The following NKAP variants were observed in gnomAD, a reference collection of about 807,000 sequenced individuals.
The protein encoded by NKAP is NF-kappa-B-activating protein.
NKAP carries 4 observed loss-of-function variants against 35.6 expected under a neutral mutation model. The ratio of observed to expected loss-of-function variants is 0.11; its 90% CI spans 0.06 to 0.26. The LOEUF (loss-of-function observed/expected upper bound fraction) is 0.26. NKAP is among the 10% of genes least tolerant of loss of function. The pLI is 1.00. For synonymous variants in NKAP, 106 were observed against 119.2 expected (o/e 0.89, Z 0.72); for missense variants, 238 against 321.9 (o/e 0.74, Z 1.99).
In NKAP at chrX:119,921,060, A is replaced by C. The variant is rs1323631437; in HGVS notation, c.*4160T>G. On this transcript the variant is annotated 3_prime_UTR_variant, in exon 9 of 9. Transcript: ENST00000371410. The stretch of plus-strand genomic sequence containing the variant: ...GGTTCCCCTACTCACAGACCCCTTC[A>C]TTTACTGGGAGTTAAGCCTCACTGC... 6.2e-5 allele frequency: 7 copies of C among 113,437 alleles called. No homozygotes were observed. The highest frequency in any genetic ancestry group is 1.9e-4 in the African/African-American group (6 of 30,969). The allele number at this position is 113,437 out of a possible 1,213,427, so 9.3% of individuals were successfully genotyped here. A position where few individuals can be genotyped will look rare whatever the true frequency, so the allele number is the denominator to read the frequency against.
chrX:119,928,813 T>C (rs932106510), intron 8 of NKAP, among the ~76,000 whole-genome samples: 4 of 111,773 alleles, frequency 3.6e-5, no homozygotes, highest in Non-Finnish European at 5.6e-5. Flanking sequence ...CACCCAACTA[T>C]GCCTCCCAAA....
At chrX:119,931,905 C>T in intron 7 of NKAP, 31 bp downstream of exon 7, 1 of 1,095,897 alleles carries the variant, frequency 9.1e-7, no homozygotes, top group East Asian at 3.2e-5. Context: ...TTGGTAGGTA[C>T]TTTAGATATT....
At chrX:119,936,470 C>T (rs964452310) in intron 3 of NKAP, 39 bp from the exon 4 acceptor site, 1 of 1,054,154 alleles carries the variant, frequency 9.5e-7, no homozygotes, top group South Asian at 2.2e-5. Flanking sequence ...TTCTAAAAAA[C>T]TATTTCTGAA....
rs891000884 is a variant in NKAP at position 119,921,709 on chromosome X, G to C, written c.*3511C>G. On this transcript the variant is annotated 3_prime_UTR_variant, in exon 9 of 9. Coordinates refer to ENST00000371410, the MANE Select transcript of NKAP (RefSeq NM_024528.4). ...TCCCAAAGAATATGCCAATGAAGCT[G>C]TTCTTGATGTCACAATATTCATATA... 29 of 110,233 alleles carry C rather than the reference G, an allele frequency of 2.6e-4. No individual in the cohort carries two copies. The Admixed American group carries it at 2.9e-3, about 11-fold the overall frequency. The allele number at this position is 110,233 out of a possible 1,213,427, so 9.1% of individuals were successfully genotyped here.
chrX:119,925,434 T>A (rs2056706142), intron 8 of NKAP, 40 bp from the exon 9 acceptor site: 1 of 1,158,284 alleles, frequency 8.6e-7, no homozygotes, highest in Non-Finnish European at 1.2e-6. Flanking sequence ...TCTCAGTAAT[T>A]ATTTTCATAG....
intron 8 of NKAP, among the ~76,000 whole-genome samples, chrX:119,927,284 A>G (rs1344016875): frequency 9.3e-6 from 1 of 107,578 alleles, no homozygotes; most frequent in Non-Finnish European, 1.9e-5. Flanking sequence ...TTGATCTGAC[A>G]TGCTATCTCT....
In NKAP at chrX:119,934,430, C is replaced by CAAAAAAA. The variant is rs369386190; in HGVS notation, c.737+57_737+63dup. The CAAAAAAA allele has an allele frequency of 5.0e-3, 940 of 187,575 alleles. 17 individuals are homozygous for CAAAAAAA. The highest frequency in any genetic ancestry group is 0.016 in the African/African-American group (100 of 6,316). The allele number at this position is 187,575 out of a possible 1,213,427, so 15.5% of individuals were successfully genotyped here. ...TGCCTGACAGAGTGAGACTCTGTCT[C>CAAAAAAA]AAAAAAAAAAAAAAAAAAAAAAAAA... is the stretch of plus-strand genomic sequence containing the variant. On this transcript the variant is annotated intron_variant, in intron 5 of 8. Coordinates refer to ENST00000371410, the MANE Select transcript of NKAP (RefSeq NM_024528.4).
intron 1 of NKAP, among the ~76,000 whole-genome samples, chrX:119,941,191 T>C (rs1388216837): frequency 2.7e-5 from 3 of 111,008 alleles, no homozygotes; most frequent in Non-Finnish European, 5.7e-5. Flanking sequence ...CATATGCAAG[T>C]TTCATCCAAG....
chrX:119,933,557 C>T lies in NKAP; in HGVS notation c.737+937G>A, dbSNP rs145195863. ...CATGCCAAAGAATACCATAAGAATA[C>T]GGTCACTGCAATTTAGGGACATTAT... On this transcript the variant is annotated intron_variant, in intron 5 of 8. Coordinates refer to ENST00000371410, the MANE Select transcript of NKAP (RefSeq NM_024528.4). 8.4e-4 allele frequency among the ~76,000 whole-genome samples: 94 copies of T among 111,932 alleles called. 1 individual carries two copies. The highest frequency in any genetic ancestry group is 1.5e-3 in the Non-Finnish European group (78 of 53,220).
intron 1 of NKAP, among the ~76,000 whole-genome samples, chrX:119,939,575 G>A (rs1603380723): frequency 9.0e-6 from 1 of 110,514 alleles, no homozygotes; most frequent in Non-Finnish European, 1.9e-5. Context: ...CACCGGGCCC[G>A]AAATAAAAGT....
At chrX:119,927,186 G>A (rs12396181) in intron 8 of NKAP, among the ~76,000 whole-genome samples, 1,286 of 107,097 alleles carry the variant, frequency 0.012, 25 homozygotes, top group African/African-American at 0.04. Context: ...CATAATCTCG[G>A]CTTATTGCAA....
intron 5 of NKAP, among the ~76,000 whole-genome samples, chrX:119,933,157 T>A (rs1285953431): frequency 8.9e-6 from 1 of 111,848 alleles, no homozygotes; most frequent in Non-Finnish European, 1.9e-5. Context: ...ATAATACTTT[T>A]TAAAAATCCA....
At chrX:119,926,156 C>G (rs1449204990) in intron 8 of NKAP, among the ~76,000 whole-genome samples, 1 of 102,675 alleles carries the variant, frequency 9.7e-6, no homozygotes, top group African/African-American at 3.6e-5. Flanking sequence ...CGGGGTTTCA[C>G]CTTGTTAGCC....
intron 2 of NKAP, chrX:119,937,872 A>C (rs1457475792): frequency 9.0e-6 from 1 of 110,913 alleles, no homozygotes; most frequent in African/African-American, 3.3e-5. Context: ...GTTTCAGATA[A>C]TAATGCTTTA....
In NKAP at chrX:119,925,088, G is replaced by C; in HGVS notation, c.*132C>G. The C allele has an allele frequency of 3.1e-6, 2 of 650,637 alleles. No individual in the cohort carries two copies. The highest frequency in any genetic ancestry group is 4.6e-6 in the Non-Finnish European group (2 of 430,742). 53.6% of individuals were successfully genotyped at this position (650,637 alleles called of 1,213,427 possible). A position where few individuals can be genotyped will look rare whatever the true frequency, so the allele number is the denominator to read the frequency against. ...ATAAGCAGCTTTTTATTGAAGGACTGAAAGAATTAAATAGAAGGCACAGTA... is the reference window on the plus strand; with the variant it reads ...ATAAGCAGCTTTTTATTGAAGGACTCAAAGAATTAAATAGAAGGCACAGTA... On this transcript the variant is annotated 3_prime_UTR_variant, in exon 9 of 9. Coordinates refer to ENST00000371410, the MANE Select transcript of NKAP (RefSeq NM_024528.4).
At chrX:119,940,741 A>C (rs1013254805) in intron 1 of NKAP, among the ~76,000 whole-genome samples, 1 of 112,426 alleles carries the variant, frequency 8.9e-6, no homozygotes, top group Non-Finnish European at 1.9e-5. Context: ...CACCTGAAGT[A>C]ACAGACAATT....
rs764882528 is a variant in NKAP, at chrX:119,925,854, T to C, written c.1074-460A>G. Among the ~76,000 whole-genome samples the C allele has an allele frequency of 3.7e-5, 4 of 108,523 alleles. No homozygotes were observed. In the South Asian group the frequency reaches 1.6e-3, roughly 44 times the overall value. The allele number at this position is 108,523 out of a possible 115,157, so 94.2% of individuals were successfully genotyped here. ...TGAGCCACCGTGCCCGGCCCTGATA[T>C]GTCTTTGATTCATTTCCACTATTCA... On this transcript the variant is annotated intron_variant, in intron 8 of 8. Transcript: ENST00000371410.
chrX:119,935,257 G>C (rs1190727538), intron 4 of NKAP, among the ~76,000 whole-genome samples: 1 of 111,670 alleles, frequency 9.0e-6, no homozygotes, highest in Admixed American at 9.6e-5. Context: ...GATTACAAAA[G>C]TAATGCATGC....
At chrX:119,941,139 C>CAAAA (rs774116965) in intron 1 of NKAP, among the ~76,000 whole-genome samples, 1 of 66,518 alleles carries the variant, frequency 1.5e-5, no homozygotes, top group Non-Finnish European at 2.9e-5. Flanking sequence ...GACTCCATCT[C>CAAAA]AAAAAAAAAA....
Sources: allele counts gnomAD v4.1 joint callset (sites outside exome capture counted in the v4.1 genomes callset), GRCh38; gene constraint gnomAD v4.1.1; transcripts MANE v1.5; gene names NCBI Gene and HGNC (gene_info 2026-07-23, HGNC 2026-07-21).